RAB27B: variants seen among roughly 807,000 people sequenced by gnomAD.
RAB27B encodes ras-related protein Rab-27B.
RAB27B carries 15 observed loss-of-function variants against 24.6 expected under a neutral mutation model. The observed-to-expected ratio is 0.61, with a 90% CI of 0.41 to 0.94. The LOEUF (loss-of-function observed/expected upper bound fraction) is 0.94. Among genes scored for constraint, RAB27B ranks in the 40% least tolerant of loss-of-function variants. RAB27B has a pLI of 0.00. For synonymous variants in RAB27B, 105 were observed against 92.5 expected (o/e 1.14, Z -0.78); for missense variants, 261 against 266.8 (o/e 0.98, Z 0.15).
intron 2 of RAB27B, among the ~76,000 whole-genome samples, chr18:54,728,761 A>C (rs1909624781): frequency 6.6e-6 from 1 of 150,800 alleles, no homozygotes; most frequent in South Asian, 2.1e-4. Context: ...CTGTAATCCC[A>C]GCTACTTGAG....
chr18:54,850,363 T>TATATATATATATATATATATAC (rs1248383686), intron 1 of RAB27B, among the ~76,000 whole-genome samples: 1 of 142,122 alleles, frequency 7.0e-6, no homozygotes, highest in Non-Finnish European at 1.5e-5. Flanking sequence ...TATATATACA[T>TATATATATATATATATATATAC]ACATACATAT....
chr18:54,768,383 A>G (rs185726423), intron 2 of RAB27B, among the ~76,000 whole-genome samples: 275 of 152,314 alleles, frequency 1.8e-3, no homozygotes, highest in Non-Finnish European at 3.2e-3. Flanking sequence ...ATTTAAAAAA[A>G]TCATTGTTTG....
At chr18:54,809,194 A>G (rs1909887113) in intron 2 of RAB27B, among the ~76,000 whole-genome samples, 1 of 152,186 alleles carries the variant, frequency 6.6e-6, no homozygotes, top group Non-Finnish European at 1.5e-5. Flanking sequence ...ACTTTTTGAC[A>G]TATTGTTGTT....
In RAB27B at chr18:54,833,588, A is replaced by G. The variant is rs543756050; in HGVS notation, c.-20+4888A>G. Among the ~76,000 whole-genome samples the G allele has an allele frequency of 8.0e-4, 122 of 152,196 alleles. 2 individuals are homozygous for G. In the South Asian group the frequency reaches 0.025, roughly 31 times the overall value. ...CTTCAAAATGGAAGGTCTAGACAAC[A>G]CCAAAAGAAAATTAAAATCAAAGAA... On this transcript the variant is annotated intron_variant, in intron 1 of 5. Coordinates refer to ENST00000262094, the MANE Select transcript of RAB27B (RefSeq NM_004163.4).
At chr18:54,813,514 A>G (rs1177685071) in intron 2 of RAB27B, among the ~76,000 whole-genome samples, 1 of 152,154 alleles carries the variant, frequency 6.6e-6, no homozygotes, top group Non-Finnish European at 1.5e-5. Flanking sequence ...TGATTGTTTC[A>G]AAGAGCATGG....
chr18:54,813,125 A>C (rs1464527631), intron 2 of RAB27B, among the ~76,000 whole-genome samples: 1 of 152,036 alleles, frequency 6.6e-6, no homozygotes, highest in Non-Finnish European at 1.5e-5. Context: ...GTGGCTGGAG[A>C]ATACCCCAGC....
rs10164130 is a variant in RAB27B at position 54,848,132 on chromosome 18, G to A, written c.-20+19432G>A. On this transcript the variant is annotated intron_variant, in intron 1 of 5. Coordinates refer to ENST00000262094, the MANE Select transcript of RAB27B (RefSeq NM_004163.4). ...TTGGCCAAACTCAGTGACTGGCACA[G>A]GTGTGGGATATGGTCGGTTTACACC... is the stretch of plus-strand genomic sequence containing the variant. Among the ~76,000 whole-genome samples the A allele has an allele frequency of 2.7e-3, 409 of 152,366 alleles. 2 individuals carry two copies. Among genetic ancestry groups the A allele is most frequent in the African/African-American group, 9.2e-3 (384 of 41,598 alleles).
Position 54,743,208 on chromosome 18 carries a change from AT to A in RAB27B, c.-20+25071del, listed in dbSNP as rs1159730133. Among the ~76,000 whole-genome samples the A allele has an allele frequency of 2.0e-5, 3 of 152,178 alleles. No individual in the cohort carries two copies. The East Asian group carries it at 5.8e-4, about 29-fold the overall frequency. On this transcript the variant is annotated intron_variant, in intron 2 of 4. Coordinates refer to the RAB27B transcript ENST00000586570. Reference sequence around the variant, plus strand: ...GCTTTTACATACTGTAGTTTTCAACATTTTGTGTCACTGTAATTTTCAGCAT... The same window carrying A: ...GCTTTTACATACTGTAGTTTTCAACATTTGTGTCACTGTAATTTTCAGCAT...
chr18:54,871,162 A>G (rs936621638), intron 1 of RAB27B, among the ~76,000 whole-genome samples: 1 of 152,262 alleles, frequency 6.6e-6, no homozygotes, highest in Non-Finnish European at 1.5e-5. Flanking sequence ...AAGAGTTGAA[A>G]TAAAAATTAA....
At chr18:54,759,522 A>G (rs1054401570) in intron 2 of RAB27B, among the ~76,000 whole-genome samples, 2 of 152,230 alleles carry the variant, frequency 1.3e-5, no homozygotes, top group Non-Finnish European at 2.9e-5. Flanking sequence ...GCAATCACTA[A>G]TTAGCTCTGT....
At chr18:54,718,801 G>C (rs1463389553) in intron 2 of RAB27B, among the ~76,000 whole-genome samples, 1 of 152,186 alleles carries the variant, frequency 6.6e-6, no homozygotes, top group Non-Finnish European at 1.5e-5. Context: ...TTTTATGGGG[G>C]AGATGGAAAA....
chr18:54,766,197 TC>T (rs1408802961), intron 2 of RAB27B, among the ~76,000 whole-genome samples: 3 of 152,060 alleles, frequency 2.0e-5, no homozygotes, highest in African/African-American at 7.2e-5. Context: ...TGGTAGACCC[TC>T]CAGAAATAAT....
intron 2 of RAB27B, among the ~76,000 whole-genome samples, chr18:54,791,436 G>A (rs918539079): frequency 1.3e-5 from 2 of 152,164 alleles, no homozygotes; most frequent in African/African-American, 4.8e-5. Flanking sequence ...TCAGCTGGGT[G>A]TGGTGGAACA....
At chr18:54,857,684 A>C (rs1026649514) in intron 1 of RAB27B, among the ~76,000 whole-genome samples, 1 of 152,184 alleles carries the variant, frequency 6.6e-6, no homozygotes, top group Admixed American at 6.5e-5. Context: ...TCACGTGTTC[A>C]TGTGTGTGCA....
chr18:54,841,163 G>T lies in RAB27B; in HGVS notation c.-20+12463G>T, dbSNP rs1400821267. Among the ~76,000 whole-genome samples, 22 of 122,266 alleles carry T rather than the reference G, an allele frequency of 1.8e-4. 2 individuals carry two copies. The highest frequency in any genetic ancestry group is 6.8e-4 in the East Asian group (2 of 2,934). 80.2% of individuals were successfully genotyped at this position (122,266 alleles called of 152,430 possible). Reference sequence around the variant, plus strand: ...CTCTGTCTTTGGGTGGCGGGGCGGTGGGGGGTTTGGTGAGAGGGGCGGGAA... The same window carrying T: ...CTCTGTCTTTGGGTGGCGGGGCGGTTGGGGGTTTGGTGAGAGGGGCGGGAA... On this transcript the variant is annotated intron_variant, in intron 1 of 5. Coordinates refer to ENST00000262094, the MANE Select transcript of RAB27B (RefSeq NM_004163.4).
chr18:54,832,314 CA>C (rs1910713620), intron 1 of RAB27B, among the ~76,000 whole-genome samples: 1 of 152,090 alleles, frequency 6.6e-6, no homozygotes, highest in Non-Finnish European at 1.5e-5. Flanking sequence ...AAGAAAGAAC[CA>C]AATGATCAAC....
intron 1 of RAB27B, among the ~76,000 whole-genome samples, chr18:54,869,046 C>T (rs1237596160): frequency 6.6e-6 from 1 of 152,010 alleles, no homozygotes; most frequent in African/African-American, 2.4e-5. Context: ...TTTAACTAAC[C>T]CTGAGATTTG....
At chr18:54,757,705 A>G (rs1287912178) in intron 2 of RAB27B, among the ~76,000 whole-genome samples, 3 of 152,166 alleles carry the variant, frequency 2.0e-5, no homozygotes, top group Non-Finnish European at 4.4e-5. Context: ...TTCTTTGTAA[A>G]CACTGAACAA....
chr18:54,818,526 A>G (rs1157138298), intron 2 of RAB27B, among the ~76,000 whole-genome samples: 1 of 151,996 alleles, frequency 6.6e-6, no homozygotes, highest in Non-Finnish European at 1.5e-5. Flanking sequence ...TCCCTACTCC[A>G]GGGCATATTG....
Sources: allele counts gnomAD v4.1 joint callset (sites outside exome capture counted in the v4.1 genomes callset), GRCh38; gene constraint gnomAD v4.1.1; transcripts MANE v1.5; gene names NCBI Gene and HGNC (gene_info 2026-07-23, HGNC 2026-07-21).